NEK2: variants seen among roughly 807,000 people sequenced by gnomAD.
NEK2 encodes the protein serine/threonine-protein kinase Nek2.
NEK2 carries 28 observed loss-of-function variants against 54.1 expected under a neutral mutation model. The ratio of observed to expected loss-of-function variants is 0.52; its 90% CI spans 0.38 to 0.71. NEK2 has a LOEUF of 0.71. Ranked by LOEUF, NEK2 falls within the 30% of genes least tolerant of loss-of-function variation. NEK2 has a pLI of 0.00. For synonymous variants in NEK2, 176 were observed against 193.1 expected, an observed-to-expected ratio of 0.91 and a Z score of 0.73; for missense variants, 407 against 531.5, an observed-to-expected ratio of 0.77 and a Z score of 2.30.
chr1:211,671,233 C>T lies in NEK2; in HGVS notation c.607G>A (p.Gly203Ser). The stretch of plus-strand genomic sequence containing the variant: ...GCACATAACTCATACAGCAAGCAGC[C>T]CAATGACCAGATATCTGATTTCTCA... Reference protein sequence around the residue: ...YNEKSDIWSLGCLLYELCALM... With the variant: ...YNEKSDIWSLSCLLYELCALM... Residue 203 changes from glycine to serine, a missense_variant, in exon 4 of 8, where the codon GGC becomes AGC. By Grantham distance (56) the Gly-to-Ser change is moderately conservative (BLOSUM62 0). Coordinates refer to ENST00000366999, the MANE Select transcript of NEK2 (RefSeq NM_002497.4). 1 of 1,613,480 alleles carries T rather than the reference C, an allele frequency of 6.2e-7. No individual in the cohort carries two copies. Among genetic ancestry groups the T allele is most frequent in the Non-Finnish European group, 8.5e-7 (1 of 1,179,546 alleles).
chr1:211,671,663 T>G (rs917144647), intron 3 of NEK2, among the ~76,000 whole-genome samples: 8 of 152,238 alleles, frequency 5.3e-5, no homozygotes, highest in African/African-American at 1.9e-4. Context: ...TAGACATAAA[T>G]AGCTAATTGA....
intron 7 of NEK2, 112 bp from the exon 8 acceptor site, chr1:211,663,764 G>A (rs1003514688): frequency 1.6e-5 from 17 of 1,058,580 alleles, no homozygotes; most frequent in East Asian, 5.2e-5. Context: ...TGAAATCTAG[G>A]TGCCTGTTTT....
At chr1:211,669,602 A>G (rs970172157) in intron 5 of NEK2, 3 of 433,020 alleles carry the variant, frequency 6.9e-6, no homozygotes, top group Non-Finnish European at 1.3e-5. Flanking sequence ...GAAGATTGGC[A>G]CATCTTGTGC....
chr1:211,674,973 A>G (rs1474907508), intron 1 of NEK2, among the ~76,000 whole-genome samples: 2 of 152,228 alleles, frequency 1.3e-5, no homozygotes, highest in Non-Finnish European at 2.9e-5. Flanking sequence ...ATATGAATCC[A>G]ATAATCCTAA....
chr1:211,671,413 T>C (rs1655388153), intron 3 of NEK2, 129 bp from the exon 4 acceptor site: 2 of 623,000 alleles, frequency 3.2e-6, no homozygotes, highest in Non-Finnish European at 5.7e-6. Flanking sequence ...ATACTTTATC[T>C]TGAAATTTAT....
At chr1:211,669,712 C>T (rs2102443866) in intron 5 of NEK2, among the ~76,000 whole-genome samples, 1 of 152,310 alleles carries the variant, frequency 6.6e-6, no homozygotes, top group South Asian at 2.1e-4. Context: ...ACTCTCAATC[C>T]TGTCACTTCA....
rs56354171 is a variant in NEK2 at position 211,663,410 on chromosome 1, G to A, written c.*16C>T. On this transcript the variant is annotated 3_prime_UTR_variant, in exon 8 of 8. Transcript: ENST00000366999. ...AATATTACATCCTGTACACAGCTCT[G>A]TGTCTCTCTACCTGGCTAGCGCATG... is the stretch of plus-strand genomic sequence containing the variant. The A allele has an allele frequency of 1.6e-4, 258 of 1,603,012 alleles. No individual in the cohort carries two copies. Among genetic ancestry groups the A allele is most frequent in the Non-Finnish European group, 2.1e-4 (241 of 1,173,152 alleles).
rs762378329 is a variant in NEK2 at position 211,675,379 on chromosome 1, C to G, written c.96+5G>C. On this transcript the variant is annotated splice_donor_5th_base_variant and intron_variant, in intron 1 of 7. Transcript: ENST00000366999. The stretch of plus-strand genomic sequence containing the variant: ...GGGCAGGCGCAGGGTAGGTCCCACG[C>G]TCACCTTGCCATCACTCTTCCTCCG... 26 of 1,613,544 alleles carry G rather than the reference C, an allele frequency of 1.6e-5. No homozygotes were observed. The highest frequency in any genetic ancestry group is 2.2e-5 in the Non-Finnish European group (26 of 1,179,492).
downstream of NEK2, among the ~76,000 whole-genome samples, chr1:211,662,069 GGAT>G (rs1167988978): frequency 1.3e-5 from 2 of 152,004 alleles, no homozygotes; most frequent in East Asian, 3.9e-4. This position sits in a 1 kb window ranked among gnomAD's most constrained non-coding sequence, Gnocchi z 4.2. Flanking sequence ...AGATTTCTAG[GGAT>G]TCCTTAATCC....
chr1:211,666,063 GT>G (rs922333633), intron 7 of NEK2, among the ~76,000 whole-genome samples: 2 of 152,196 alleles, frequency 1.3e-5, no homozygotes. Flanking sequence ...ATGTTTCACA[GT>G]TTGCATTTTA....
chr1:211,675,303 T>C (rs1655544139), intron 1 of NEK2, 81 bp downstream of exon 1: 1 of 1,273,806 alleles, frequency 7.9e-7, no homozygotes, highest in African/African-American at 1.5e-5. Flanking sequence ...GCCCTGTCGG[T>C]TCCCTTCGGT....
downstream of NEK2, among the ~76,000 whole-genome samples, chr1:211,659,488 A>G (rs1459118047): frequency 6.6e-6 from 1 of 152,136 alleles, no homozygotes; most frequent in Non-Finnish European, 1.5e-5. Flanking sequence ...AGCATTCCCT[A>G]CTAAATTTCC....
At chr1:211,669,410 G>C in intron 5 of NEK2, 78 bp from the exon 6 acceptor site, 1 of 1,309,780 alleles carries the variant, frequency 7.6e-7, no homozygotes, top group South Asian at 1.3e-5. Context: ...AAAATAAAAG[G>C]ACAAAAATGT....
intron 1 of NEK2, 106 bp downstream of exon 1, chr1:211,675,278 G>T: frequency 2.1e-6 from 2 of 957,332 alleles, no homozygotes; most frequent in Middle Eastern, 2.2e-4. Flanking sequence ...AGTCTTCCGG[G>T]CACCCATTTC....
intron 4 of NEK2, 126 bp downstream of exon 4, chr1:211,671,076 C>T: frequency 1.4e-6 from 1 of 707,996 alleles, no homozygotes; most frequent in Non-Finnish European, 2.5e-6. Flanking sequence ...CTTAATTTTA[C>T]CCAGGGTACA....
chr1:211,664,522 A>ATGCTGGG (rs1159506871), intron 7 of NEK2, among the ~76,000 whole-genome samples: 6 of 152,176 alleles, frequency 3.9e-5, no homozygotes, highest in East Asian at 1.9e-4. Flanking sequence ...AAACAGGGAC[A>ATGCTGGG]TGCTGGGTGC....
intron 5 of NEK2, among the ~76,000 whole-genome samples, chr1:211,669,678 A>G (rs111587000): frequency 5.9e-5 from 9 of 152,280 alleles, no homozygotes; most frequent in Admixed American, 2.0e-4. Flanking sequence ...TCTAAACTAC[A>G]TTTAGCAAGA....
At chr1:211,667,083 G>A (rs1041785856) in intron 7 of NEK2, 23 bp downstream of exon 7, 8 of 1,613,218 alleles carry the variant, frequency 5.0e-6, no homozygotes, top group Non-Finnish European at 5.9e-6. Context: ...ACCAGCTTCT[G>A]TTGACCAAGT....
rs1228515280 is a variant in NEK2, at chr1:211,663,363, A to G, written c.*63T>C. The G allele has an allele frequency of 2.6e-6, 4 of 1,547,846 alleles. No homozygotes were observed. Among genetic ancestry groups the G allele is most frequent in the African/African-American group, 1.4e-5 (1 of 73,164 alleles). On this transcript the variant is annotated 3_prime_UTR_variant, in exon 8 of 8. Coordinates refer to ENST00000366999, the MANE Select transcript of NEK2 (RefSeq NM_002497.4). ...AAGTATTCAACACTACAGCATTTGAATATCAGTCTTTAAAGGTTGGTAATA... is the reference window on the plus strand; with the variant it reads ...AAGTATTCAACACTACAGCATTTGAGTATCAGTCTTTAAAGGTTGGTAATA...
Sources: allele counts gnomAD v4.1 joint callset (sites outside exome capture counted in the v4.1 genomes callset), GRCh38; gene constraint gnomAD v4.1.1; non-coding constraint Gnocchi (gnomAD v3.1); transcripts MANE v1.5; gene names NCBI Gene and HGNC (gene_info 2026-07-23, HGNC 2026-07-21).